The following PIK3AP1 variants were observed in gnomAD, a reference collection of about 807,000 sequenced individuals.
PIK3AP1 encodes the protein phosphoinositide 3-kinase adapter protein 1.
In PIK3AP1, 21 loss-of-function variants were observed where a neutral mutation model predicts 88.1. The ratio of observed to expected loss-of-function variants is 0.24; its 90% confidence interval spans 0.17 to 0.34. The LOEUF is 0.34. Among genes scored for constraint, PIK3AP1 ranks in the 10% least tolerant of loss-of-function variants. The probability of loss-of-function intolerance (pLI) is 1.00; values close to 1 mark genes in which losing one functional copy is unlikely to be tolerated. For synonymous variants in PIK3AP1, 398 were observed against 400.0 expected, an observed-to-expected ratio of 1.00 and a Z score of 0.06; for missense variants, 828 against 1,035.7, an observed-to-expected ratio of 0.80 and a Z score of 2.75.
intron 2 of PIK3AP1, among the ~76,000 whole-genome samples, chr10:96,671,306 T>C (rs981678518): frequency 3.9e-5 from 6 of 152,212 alleles, no homozygotes; most frequent in African/African-American, 1.4e-4. Flanking sequence ...TCAATAACCC[T>C]CACCTTCCCC....
intron 2 of PIK3AP1, among the ~76,000 whole-genome samples, chr10:96,687,456 T>A (rs1251424127): frequency 1.3e-5 from 2 of 152,060 alleles, no homozygotes; most frequent in African/African-American, 4.8e-5. Context: ...ATGTCCACTC[T>A]GCAGTGATTT....
At chr10:96,619,716 C>T (rs182853751) in intron 12 of PIK3AP1, among the ~76,000 whole-genome samples, 3 of 152,298 alleles carry the variant, frequency 2.0e-5, no homozygotes, top group Admixed American at 6.5e-5. Flanking sequence ...TCAAACTATA[C>T]AGGTAGAGCA....
intron 1 of PIK3AP1, among the ~76,000 whole-genome samples, chr10:96,711,539 G>T (rs139816580): frequency 1.8e-4 from 28 of 152,242 alleles, no homozygotes; most frequent in African/African-American, 6.3e-4. Context: ...TAAACGCTAG[G>T]CCTGGGCCGC....
At chr10:96,694,360 A>C (rs1844192629) in intron 2 of PIK3AP1, among the ~76,000 whole-genome samples, 1 of 152,126 alleles carries the variant, frequency 6.6e-6, no homozygotes, top group East Asian at 1.9e-4. Context: ...ATAAATTTAC[A>C]GTCTCATCTA....
chr10:96,609,840 T>C lies in PIK3AP1; in HGVS notation c.2042A>G (p.His681Arg). The C allele has an allele frequency of 6.2e-7, 1 of 1,613,988 alleles. No individual in the cohort carries two copies. The highest frequency in any genetic ancestry group is 8.5e-7 in the Non-Finnish European group (1 of 1,179,960). Residue 681 changes from histidine to arginine, a missense_variant, in exon 14 of 17, where the codon CAC becomes CGC. By Grantham distance (29) the His-to-Arg change is conservative (BLOSUM62 0). Transcript: ENST00000339364. ...TDLEITVPIR[H>R]SQHLPAKVEF... ...CACTTTTGCAGGCAGGTGCTGTGAGTGCCGAATTGGGACCGTGATCTCCAA... is the reference window on the plus strand; with the variant it reads ...CACTTTTGCAGGCAGGTGCTGTGAGCGCCGAATTGGGACCGTGATCTCCAA...
In PIK3AP1 at chr10:96,709,560, T is replaced by C; in HGVS notation, c.430+7A>G. 6.3e-7 allele frequency: 1 copy of C among 1,597,138 alleles called. No individual in the cohort carries two copies. Among genetic ancestry groups the C allele is most frequent in the African/African-American group, 1.3e-5 (1 of 74,568 alleles). On this transcript the variant is annotated splice_region_variant and intron_variant, in intron 2 of 16. Transcript: ENST00000339364. ...AGGGCTTGCTTATCTTTAGAAGAAA[T>C]CCTTACCTTCGGAAATGGCTTTTTT...
intron 14 of PIK3AP1, among the ~76,000 whole-genome samples, chr10:96,607,385 G>A (rs960294340): frequency 2.0e-5 from 3 of 152,108 alleles, no homozygotes; most frequent in Admixed American, 1.3e-4. Context: ...AAATGAACCC[G>A]AAAATATGGT....
At chr10:96,640,176 A>G (rs1843364786) in intron 8 of PIK3AP1, among the ~76,000 whole-genome samples, 1 of 152,358 alleles carries the variant, frequency 6.6e-6, no homozygotes, top group Admixed American at 6.5e-5. Flanking sequence ...TGTAGGGGTA[A>G]CATGAAGCAG....
chr10:96,683,204 T>C (rs1162833692), intron 2 of PIK3AP1, among the ~76,000 whole-genome samples: 3 of 152,222 alleles, frequency 2.0e-5, no homozygotes, highest in African/African-American at 7.2e-5. Context: ...CTGTTCAGTG[T>C]GTAATTGGCA....
intron 2 of PIK3AP1, among the ~76,000 whole-genome samples, chr10:96,681,994 G>GTATA (rs201677363): frequency 4.1e-5 from 6 of 147,182 alleles, no homozygotes; most frequent in South Asian, 4.4e-4. Flanking sequence ...ATATGTGTGT[G>GTATA]TATATATATA....
rs771590015 is a variant in PIK3AP1, at chr10:96,647,659, C to T, written c.1185+1000G>A. Among the ~76,000 whole-genome samples, 30 of 152,282 alleles carry T rather than the reference C, an allele frequency of 2.0e-4. 1 individual carries two copies. The highest frequency in any genetic ancestry group is 3.9e-4 in the African/African-American group (16 of 41,544). ...CACTGGGAAGTCCCCTCTGTGCCTC[C>T]GTGAATCACTGTCTTGTAGATTTTC... On this transcript the variant is annotated intron_variant, in intron 7 of 16. Coordinates refer to ENST00000339364, the MANE Select transcript of PIK3AP1 (RefSeq NM_152309.3).
At chr10:96,657,645 T>C (rs1045087393) in intron 2 of PIK3AP1, among the ~76,000 whole-genome samples, 1 of 144,712 alleles carries the variant, frequency 6.9e-6, no homozygotes, top group African/African-American at 2.6e-5. Context: ...ACCTCTGAGG[T>C]TGTGTGCAAG....
intron 1 of PIK3AP1, among the ~76,000 whole-genome samples, chr10:96,715,032 G>GA (rs34130100): frequency 0.84 from 124,716 of 148,994 alleles, 52,536 homozygotes; most frequent in South Asian, 0.94. Flanking sequence ...TGGAAAGGGA[G>GA]AAAAAAAAAA....
At chr10:96,611,501 C>T (rs916678970) in intron 13 of PIK3AP1, among the ~76,000 whole-genome samples, 7 of 152,098 alleles carry the variant, frequency 4.6e-5, no homozygotes, top group Non-Finnish European at 1.0e-4. Context: ...GAAGGAATCT[C>T]GCTCTGTCGC....
At chr10:96,696,825 A>G (rs1289031157) in intron 2 of PIK3AP1, among the ~76,000 whole-genome samples, 1 of 152,214 alleles carries the variant, frequency 6.6e-6, no homozygotes, top group Non-Finnish European at 1.5e-5. Context: ...TTAAAATTCT[A>G]TTGTGAAGGA....
chr10:96,640,728 G>A (rs1182561220), intron 8 of PIK3AP1, among the ~76,000 whole-genome samples: 2 of 151,822 alleles, frequency 1.3e-5, no homozygotes, highest in African/African-American at 2.4e-5. Context: ...TGCAGTCATG[G>A]CTCACTGCAG....
chr10:96,666,033 G>A (rs1317055059), intron 2 of PIK3AP1, among the ~76,000 whole-genome samples: 1 of 152,182 alleles, frequency 6.6e-6, no homozygotes, highest in Non-Finnish European at 1.5e-5. Flanking sequence ...ACCTGTATTT[G>A]TGTCTTGTTC....
intron 2 of PIK3AP1, among the ~76,000 whole-genome samples, chr10:96,657,387 G>A (rs1334921637): frequency 6.6e-6 from 1 of 152,150 alleles, no homozygotes; most frequent in Non-Finnish European, 1.5e-5. Flanking sequence ...CAGGGTTATG[G>A]CTAGCCAATG....
chr10:96,614,706 C>T (rs1849185170), intron 13 of PIK3AP1, among the ~76,000 whole-genome samples: 1 of 152,214 alleles, frequency 6.6e-6, no homozygotes, highest in African/African-American at 2.4e-5. Flanking sequence ...GCTAGTGTCT[C>T]ATAGGTCTCT....
Sources: allele counts gnomAD v4.1 joint callset (sites outside exome capture counted in the v4.1 genomes callset), GRCh38; gene constraint gnomAD v4.1.1; transcripts MANE v1.5; gene names NCBI Gene and HGNC (gene_info 2026-07-23, HGNC 2026-07-21).